The following CHRM3 variants were observed in gnomAD, a reference collection of about 807,000 sequenced individuals.
CHRM3 encodes muscarinic acetylcholine receptor M3.
CHRM3 carries 11 observed loss-of-function variants against 41.8 expected under a neutral mutation model. The observed-to-expected ratio is 0.26, with a 90% CI of 0.17 to 0.44. The LOEUF is 0.44. CHRM3 is among the 20% of genes least tolerant of loss of function. The pLI, the probability that CHRM3 is intolerant of heterozygous loss-of-function variation, is 1.00. For synonymous variants in CHRM3, 297 were observed against 301.4 expected (o/e 0.99, Z 0.15); for missense variants, 571 against 745.4 (o/e 0.77, Z 2.72).
chr1:239,405,539 G>C (rs541539451), intron 1 of CHRM3, among the ~76,000 whole-genome samples: 2 of 152,190 alleles, frequency 1.3e-5, no homozygotes, highest in South Asian at 4.2e-4. Context: ...AATTAGACTT[G>C]AGGTCTTCTC....
chr1:239,655,376 C>G (rs1379217042), intron 4 of CHRM3, among the ~76,000 whole-genome samples: 1 of 152,184 alleles, frequency 6.6e-6, no homozygotes, highest in African/African-American at 2.4e-5. Context: ...CAATAGAACT[C>G]AAGGCTGCAT....
chr1:239,386,766 G>C lies in CHRM3; in HGVS notation c.-982G>C, dbSNP rs1208962281. 6.5e-6 allele frequency: 1 copy of C among 152,702 alleles called. No homozygotes were observed. The highest frequency in any genetic ancestry group is 6.5e-5 in the Admixed American group (1 of 15,288). 9.5% of individuals were successfully genotyped at this position (152,702 alleles called of 1,614,324 possible). A position where few individuals can be genotyped will look rare whatever the true frequency, so the allele number is the denominator to read the frequency against. ...GGGAATACACGATAAAGAAGGAGAC[G>C]GAAAGAAGAGAAAAAGTGAGGCGGG... On this transcript the variant is annotated 5_prime_UTR_variant, in exon 1 of 7. Coordinates refer to ENST00000676153, the MANE Select transcript of CHRM3 (RefSeq NM_001375978.1).
In CHRM3 at chr1:239,618,650, C is replaced by G. The variant is rs537256959; in HGVS notation, c.-312-13574C>G. ...ACGAGGTCAGGAGATCGAGACCATC[C>G]TGGCTAACACGGTGAAACCCCGTCT... On this transcript the variant is annotated intron_variant, in intron 3 of 6. Coordinates refer to ENST00000676153, the MANE Select transcript of CHRM3 (RefSeq NM_001375978.1). 2.0e-5 allele frequency among the ~76,000 whole-genome samples: 3 copies of G among 151,476 alleles called. No individual in the cohort carries two copies. In the South Asian group the frequency reaches 6.3e-4, roughly 32 times the overall value.
At chr1:239,455,068 ATTTT>A (rs950893260) in intron 1 of CHRM3, among the ~76,000 whole-genome samples, 17 of 152,082 alleles carry the variant, frequency 1.1e-4, no homozygotes, top group African/African-American at 4.1e-4. Flanking sequence ...TTTTCTACTT[ATTTT>A]TTATTTATTT....
At chr1:239,611,723 G>A (rs1357723984) in intron 3 of CHRM3, among the ~76,000 whole-genome samples, 1 of 152,114 alleles carries the variant, frequency 6.6e-6, no homozygotes, top group African/African-American at 2.4e-5. Context: ...CCAGCCGCAA[G>A]TGACATGTTT....
At chr1:239,721,998 T>A (rs1427935292) in intron 5 of CHRM3, among the ~76,000 whole-genome samples, 1 of 151,770 alleles carries the variant, frequency 6.6e-6, no homozygotes. Flanking sequence ...TTCCAAACCA[T>A]GAAATCCTAG....
chr1:239,812,798 AT>A (rs1671217420), intron 5 of CHRM3, among the ~76,000 whole-genome samples: 1 of 152,200 alleles, frequency 6.6e-6, no homozygotes. Flanking sequence ...AGTACAAAGT[AT>A]TTTAATCTAC....
intron 6 of CHRM3, among the ~76,000 whole-genome samples, chr1:239,896,005 CAATT>C (rs1166566205): frequency 1.3e-5 from 2 of 152,178 alleles, no homozygotes; most frequent in Admixed American, 1.3e-4. Flanking sequence ...CTATTCATCT[CAATT>C]AAAACAGAGT....
intron 1 of CHRM3, among the ~76,000 whole-genome samples, chr1:239,461,937 A>T (rs1665392201): frequency 6.6e-6 from 1 of 151,998 alleles, no homozygotes; most frequent in Admixed American, 6.6e-5. Flanking sequence ...AAGCAAATAA[A>T]TGAAGTGACA....
At chr1:239,534,078 A>G (rs1317927617) in intron 2 of CHRM3, among the ~76,000 whole-genome samples, 1 of 152,220 alleles carries the variant, frequency 6.6e-6, no homozygotes, top group Admixed American at 6.5e-5. Flanking sequence ...CTATAATCCC[A>G]GCACTTTGGG....
At chr1:239,388,987 G>A (rs536055589) in intron 1 of CHRM3, among the ~76,000 whole-genome samples, 1 of 152,174 alleles carries the variant, frequency 6.6e-6, no homozygotes, top group Non-Finnish European at 1.5e-5. Flanking sequence ...TGACATTGCC[G>A]GTCGGATTTA....
At chr1:239,600,294 C>T (rs1665355896) in intron 3 of CHRM3, among the ~76,000 whole-genome samples, 1 of 151,892 alleles carries the variant, frequency 6.6e-6, no homozygotes, top group Non-Finnish European at 1.5e-5. Flanking sequence ...CATTCTCTGC[C>T]CTCTTTCATC....
chr1:239,724,596 C>G (rs1225994663), intron 5 of CHRM3, among the ~76,000 whole-genome samples: 1 of 151,912 alleles, frequency 6.6e-6, no homozygotes, highest in Non-Finnish European at 1.5e-5. Context: ...CTGATACATA[C>G]AGCACACTCA....
chr1:239,698,676 A>AT (rs1312529830), intron 5 of CHRM3, among the ~76,000 whole-genome samples: 6 of 152,264 alleles, frequency 3.9e-5, no homozygotes, highest in Non-Finnish European at 5.9e-5. Flanking sequence ...TCAAAGGCTG[A>AT]TTTTCCCATG....
At chr1:239,872,766 A>T (rs1676702093) in intron 6 of CHRM3, among the ~76,000 whole-genome samples, 1 of 152,106 alleles carries the variant, frequency 6.6e-6, no homozygotes, top group Admixed American at 6.6e-5. Context: ...AGCATTATGG[A>T]TATGTTTTTT....
chr1:239,601,784 C>G (rs1019811860), intron 3 of CHRM3, among the ~76,000 whole-genome samples: 1 of 151,960 alleles, frequency 6.6e-6, no homozygotes, highest in African/African-American at 2.4e-5. Context: ...ACCCTTTTGT[C>G]CTTTTCATTG....
intron 1 of CHRM3, among the ~76,000 whole-genome samples, chr1:239,397,670 T>A (rs955395296): frequency 2.6e-4 from 36 of 137,468 alleles, no homozygotes; most frequent in African/African-American, 9.3e-4. Context: ...AGACTCTGTC[T>A]CAAAAAATAC....
chr1:239,907,570 A>G lies in CHRM3; in HGVS notation c.119A>G (p.Tyr40Cys), dbSNP rs201556657. 6.2e-7 allele frequency: 1 copy of G among 1,614,120 alleles called. No individual in the cohort carries two copies. The highest frequency in any genetic ancestry group is 8.5e-7 in the Non-Finnish European group (1 of 1,180,014). ...PPGTVTHFGS[Y>C]NVSRAAGNFS... ...GGAACCGTCACTCATTTCGGCAGCT[A>G]CAATGTTTCTCGAGCAGCTGGCAAT... The change falls in exon 7 of 7, where the codon TAC becomes TGC. Residue 40 changes from tyrosine to cysteine, a missense_variant. Physicochemically the swap from Tyr to Cys is radical, Grantham distance 194. This residue lies in a region of CHRM3 where 92 missense variants were observed against 76.1 expected (regional missense o/e 1.21). Transcript: ENST00000676153. The surrounding 1 kb of genome is among the most constrained non-coding windows in gnomAD (Gnocchi z 5.4).
intron 5 of CHRM3, chr1:239,707,768 A>G (rs566877503): frequency 1.3e-4 from 20 of 152,324 alleles, no homozygotes; most frequent in African/African-American, 4.3e-4. Flanking sequence ...GATCTGGAAA[A>G]GAAAACAATA....
Sources: allele counts gnomAD v4.1 joint callset (sites outside exome capture counted in the v4.1 genomes callset), GRCh38; gene constraint gnomAD v4.1.1; regional missense constraint gnomAD v4.1.1; non-coding constraint Gnocchi (gnomAD v3.1); transcripts MANE v1.5; gene names NCBI Gene and HGNC (gene_info 2026-07-23, HGNC 2026-07-21).